The following ZNF385D variants were observed in gnomAD, a reference collection of about 807,000 sequenced individuals.
ZNF385D encodes zinc finger protein 385D, also known as zinc finger protein 659.
In ZNF385D, 15 loss-of-function variants were observed where a neutral mutation model predicts 35.8. The ratio of observed to expected loss-of-function variants is 0.42; its 90% CI spans 0.28 to 0.64. The LOEUF (loss-of-function observed/expected upper bound fraction) is 0.64, where lower values mean the gene tolerates loss of function less well. Ranked by LOEUF, ZNF385D falls within the 30% of genes least tolerant of loss-of-function variation. The pLI is 0.23. For synonymous variants in ZNF385D, 212 were observed against 186.8 expected (o/e 1.13, Z -1.10); for missense variants, 474 against 494.6 (o/e 0.96, Z 0.39).
intron 1 of ZNF385D, among the ~76,000 whole-genome samples, chr3:21,694,189 G>A (rs900589791): frequency 2.0e-5 from 3 of 151,480 alleles, no homozygotes; most frequent in Non-Finnish European, 4.4e-5. Flanking sequence ...GACTACAGGC[G>A]CCCGCCACCA....
At chr3:21,984,959 T>C (rs1694723698) in intron 3 of ZNF385D, among the ~76,000 whole-genome samples, 1 of 151,416 alleles carries the variant, frequency 6.6e-6, no homozygotes, top group African/African-American at 2.4e-5. Flanking sequence ...ATGATTTGGC[T>C]CTCTGTTTGT....
intron 3 of ZNF385D, among the ~76,000 whole-genome samples, chr3:21,852,221 A>G (rs1384533024): frequency 6.6e-6 from 1 of 151,992 alleles, no homozygotes; most frequent in Non-Finnish European, 1.5e-5. Context: ...CTAAAGCTAC[A>G]GGATACACTT....
At chr3:21,806,263 T>C (rs149876284) in intron 3 of ZNF385D, among the ~76,000 whole-genome samples, 1 of 151,768 alleles carries the variant, frequency 6.6e-6, no homozygotes, top group Non-Finnish European at 1.5e-5. Context: ...AAACTCTTTT[T>C]GTATTTGGTA....
intron 3 of ZNF385D, among the ~76,000 whole-genome samples, chr3:22,131,023 G>C (rs890838688): frequency 2.0e-5 from 3 of 152,106 alleles, no homozygotes; most frequent in Non-Finnish European, 4.4e-5. Context: ...CATGCTTAGA[G>C]AACAGTTAAA....
At chr3:21,713,899 A>G (rs540128570) in intron 1 of ZNF385D, among the ~76,000 whole-genome samples, 1 of 152,270 alleles carries the variant, frequency 6.6e-6, no homozygotes, top group African/African-American at 2.4e-5. Flanking sequence ...ACATCAACTG[A>G]GTCTTTCAAC....
At chr3:21,765,204 CTG>C (rs552075719) in intron 3 of ZNF385D, among the ~76,000 whole-genome samples, 12 of 150,320 alleles carry the variant, frequency 8.0e-5, no homozygotes, top group Admixed American at 1.3e-4. Context: ...CACATAAAAT[CTG>C]TGTGTGTGTG....
chr3:21,978,440 GA>G (rs1703775458), intron 3 of ZNF385D: 1 of 152,194 alleles, frequency 6.6e-6, no homozygotes, highest in Non-Finnish European at 1.5e-5. Flanking sequence ...TAAAGGGGGA[GA>G]AACATAACCC....
chr3:21,970,534 G>A (rs976838612), intron 3 of ZNF385D, among the ~76,000 whole-genome samples: 1 of 151,884 alleles, frequency 6.6e-6, no homozygotes, highest in Non-Finnish European at 1.5e-5. Flanking sequence ...GAATGAAAAA[G>A]AATGAAGCAT....
intron 2 of ZNF385D, among the ~76,000 whole-genome samples, chr3:22,325,497 T>C (rs548671502): frequency 1.3e-5 from 2 of 152,306 alleles, no homozygotes; most frequent in South Asian, 2.1e-4. Flanking sequence ...GGCACGGTGA[T>C]GCACGCCTAT....
intron 4 of ZNF385D, among the ~76,000 whole-genome samples, chr3:21,452,059 G>C (rs1702495959): frequency 6.6e-6 from 1 of 151,876 alleles, no homozygotes; most frequent in African/African-American, 2.4e-5. Context: ...TTCAATTTTG[G>C]ACTAATTTTA....
chr3:21,899,582 A>G (rs1699300405), intron 3 of ZNF385D, among the ~76,000 whole-genome samples: 1 of 152,138 alleles, frequency 6.6e-6, no homozygotes, highest in African/African-American at 2.4e-5. Flanking sequence ...CTGTTAGATC[A>G]TGCCCCAGGA....
intron 3 of ZNF385D, among the ~76,000 whole-genome samples, chr3:21,804,489 G>T (rs554656353): frequency 6.6e-6 from 1 of 152,164 alleles, no homozygotes; most frequent in Non-Finnish European, 1.5e-5. Flanking sequence ...CTATGAACAA[G>T]AGATGATTCA....
At chr3:22,313,020 C>G (rs1344510336) in intron 2 of ZNF385D, among the ~76,000 whole-genome samples, 1 of 151,690 alleles carries the variant, frequency 6.6e-6, no homozygotes, top group East Asian at 1.9e-4. Flanking sequence ...CAACGATAGA[C>G]TGGATTAAGA....
chr3:21,703,852 T>C (rs4858343), intron 1 of ZNF385D, among the ~76,000 whole-genome samples: 62,294 of 151,826 alleles, frequency 0.41, 14,048 homozygotes, highest in Middle Eastern at 0.53. Flanking sequence ...GCTACTCCTG[T>C]ATGGTCAACT....
At chr3:22,170,923 A>C (rs1028105959) in intron 2 of ZNF385D, among the ~76,000 whole-genome samples, 2 of 152,186 alleles carry the variant, frequency 1.3e-5, no homozygotes, top group African/African-American at 4.8e-5. Context: ...ATGGGAAAAT[A>C]TTTTGTGTAT....
intron 3 of ZNF385D, among the ~76,000 whole-genome samples, chr3:21,815,159 G>C (rs2073091075): frequency 6.6e-6 from 1 of 152,216 alleles, no homozygotes; most frequent in East Asian, 1.9e-4. Context: ...CAACATACCA[G>C]AATCTCTGGG....
intron 3 of ZNF385D, among the ~76,000 whole-genome samples, chr3:21,967,793 T>A (rs191816072): frequency 6.6e-6 from 1 of 152,174 alleles, no homozygotes; most frequent in African/African-American, 2.4e-5. Context: ...CTAAAAGAGA[T>A]TGGGAGGAAG....
intron 3 of ZNF385D, among the ~76,000 whole-genome samples, chr3:22,111,181 T>G (rs1191625450): frequency 1.5e-5 from 2 of 131,690 alleles, no homozygotes; most frequent in African/African-American, 6.1e-5. Context: ...TTTTTTGTTT[T>G]TTTTGTACTC....
At chr3:22,357,043 A>G (rs1338421814) in intron 2 of ZNF385D, among the ~76,000 whole-genome samples, 2 of 151,966 alleles carry the variant, frequency 1.3e-5, no homozygotes, top group Admixed American at 6.6e-5. Flanking sequence ...AAAAAGTGCA[A>G]GAATAAGCAT....
Sources: allele counts gnomAD v4.1 joint callset (sites outside exome capture counted in the v4.1 genomes callset), GRCh38; gene constraint gnomAD v4.1.1; transcripts MANE v1.5; gene names NCBI Gene and HGNC (gene_info 2026-07-23, HGNC 2026-07-21).